MAF: variants seen among roughly 807,000 people sequenced by gnomAD.
The protein encoded by MAF is MAF bZIP transcription factor, also known as transcription factor Maf.
A neutral mutation model predicts 22.0 loss-of-function variants in MAF; 10 were observed. The ratio of observed to expected loss-of-function variants is 0.45; its 90% CI spans 0.28 to 0.77. MAF has a LOEUF of 0.77. Among genes scored for constraint, MAF ranks in the 30% least tolerant of loss-of-function variants. The pLI is 0.12. For synonymous variants in MAF, 337 were observed against 255.8 expected (o/e 1.32, Z -3.03); for missense variants, 544 against 548.4 (o/e 0.99, Z 0.08).
At chr16:79,344,748 G>T in the MAF span, among the ~76,000 whole-genome samples, 1 of 152,230 alleles carries the variant, frequency 6.6e-6, no homozygotes, top group African/African-American at 2.4e-5. Context: ...TTTATATTAG[G>T]TATGTCTGAT....
the MAF span, among the ~76,000 whole-genome samples, chr16:79,220,793 T>C: frequency 0.074 from 11,265 of 152,310 alleles, 546 homozygotes; most frequent in Non-Finnish European, 0.11. Flanking sequence ...ATGGCTTTTA[T>C]CTCTGCTGCT....
At chr16:79,551,679 T>C in the MAF span, among the ~76,000 whole-genome samples, 521 of 152,314 alleles carry the variant, frequency 3.4e-3, 2 homozygotes, top group Non-Finnish European at 5.8e-3. Context: ...ATTTTACATT[T>C]CAATTTTTTT....
the MAF span, among the ~76,000 whole-genome samples, chr16:79,508,109 G>C: frequency 6.6e-6 from 1 of 152,158 alleles, no homozygotes; most frequent in African/African-American, 2.4e-5. Flanking sequence ...AGAAGGCGCA[G>C]CATGGGAGCA....
chr16:79,447,266 G>A, the MAF span, among the ~76,000 whole-genome samples: 1 of 149,358 alleles, frequency 6.7e-6, no homozygotes, highest in Non-Finnish European at 1.5e-5. Flanking sequence ...ATGTCTGGAT[G>A]ACAGCACATC....
chr16:79,225,975 T>G, the MAF span, among the ~76,000 whole-genome samples: 1 of 152,190 alleles, frequency 6.6e-6, no homozygotes, highest in Non-Finnish European at 1.5e-5. Context: ...GTGTGGCAAT[T>G]CCTCAAGGAT....
chr16:79,590,082 G>A (rs1242784684), downstream of MAF, among the ~76,000 whole-genome samples: 1 of 152,168 alleles, frequency 6.6e-6, no homozygotes, highest in South Asian at 2.1e-4. Flanking sequence ...AGGGTGGGGA[G>A]CACACCCAGC....
the MAF span, among the ~76,000 whole-genome samples, chr16:79,545,891 G>A: frequency 2.6e-5 from 4 of 152,156 alleles, no homozygotes; most frequent in African/African-American, 9.6e-5. Context: ...TAGATTTTAA[G>A]TGTTTTCACT....
the MAF span, among the ~76,000 whole-genome samples, chr16:79,371,873 G>A: frequency 6.6e-6 from 1 of 152,214 alleles, no homozygotes; most frequent in Non-Finnish European, 1.5e-5. Context: ...GGGCAGAGAG[G>A]AGTTTAAACT....
the MAF span, among the ~76,000 whole-genome samples, chr16:79,541,317 T>C: frequency 6.6e-6 from 1 of 152,128 alleles, no homozygotes. Flanking sequence ...CCAAAAGTCC[T>C]CTCACAACTG....
At chr16:79,233,836 A>T in the MAF span, among the ~76,000 whole-genome samples, 1 of 151,896 alleles carries the variant, frequency 6.6e-6, no homozygotes, top group Non-Finnish European at 1.5e-5. Flanking sequence ...TACTGAAAAT[A>T]CAAAAATTAG....
the MAF span, among the ~76,000 whole-genome samples, chr16:79,521,647 C>G: frequency 5.5e-4 from 83 of 152,184 alleles, 5 homozygotes; most frequent in Non-Finnish European, 2.1e-4. Context: ...ACAAAGTCCA[C>G]GCATCACGCA....
At chr16:79,542,261 G>C in the MAF span, among the ~76,000 whole-genome samples, 1 of 152,154 alleles carries the variant, frequency 6.6e-6, no homozygotes, top group African/African-American at 2.4e-5. Flanking sequence ...CGAAGCCTCC[G>C]GGCAGGAACG....
the MAF span, among the ~76,000 whole-genome samples, chr16:79,218,579 C>T: frequency 6.6e-6 from 1 of 152,190 alleles, no homozygotes; most frequent in Non-Finnish European, 1.5e-5. Context: ...ACAACCTTAT[C>T]AACACAGGGT....
chr16:79,337,281 A>G, the MAF span, among the ~76,000 whole-genome samples: 1 of 152,138 alleles, frequency 6.6e-6, no homozygotes, highest in Non-Finnish European at 1.5e-5. Flanking sequence ...CCCATAAAAC[A>G]CAGACAGCAG....
At chr16:79,212,221 G>GAACACTTGCTT in the MAF span, 1 of 1,403,558 alleles carries the variant, frequency 7.1e-7, no homozygotes, top group Non-Finnish European at 9.4e-7. Flanking sequence ...AAAAGCAAGT[G>GAACACTTGCTT]TTCACTGCTC....
chr16:79,303,378 G>T, the MAF span, among the ~76,000 whole-genome samples: 1 of 152,188 alleles, frequency 6.6e-6, no homozygotes, highest in South Asian at 2.1e-4. Context: ...GATTGCAGTG[G>T]GAAGTTAAAG....
the MAF span, among the ~76,000 whole-genome samples, chr16:79,513,802 G>C: frequency 6.6e-6 from 1 of 152,144 alleles, no homozygotes; most frequent in African/African-American, 2.4e-5. Flanking sequence ...CTACCTAATA[G>C]TATTGCTTTT....
intron 1 of MAF, chr16:79,594,927 T>C: frequency 1.8e-6 from 2 of 1,136,898 alleles, no homozygotes; most frequent in South Asian, 3.0e-5. Flanking sequence ...CCTATCAAAA[T>C]GCTTAATTCT....
At chr16:79,495,051 G>A in the MAF span, among the ~76,000 whole-genome samples, 1 of 152,170 alleles carries the variant, frequency 6.6e-6, no homozygotes, top group Non-Finnish European at 1.5e-5. Flanking sequence ...CACCCCCCCA[G>A]ACACCCTGGT....
Sources: allele counts gnomAD v4.1 joint callset (sites outside exome capture counted in the v4.1 genomes callset), GRCh38; gene constraint gnomAD v4.1.1; transcripts MANE v1.5; gene names NCBI Gene and HGNC (gene_info 2026-07-23, HGNC 2026-07-21).